Variants in ZNF717 observed in about 807,000 individuals in gnomAD.
The protein encoded by ZNF717 is zinc finger protein 717, also known as krueppel-like factor X17.
ZNF717 carries 9 observed loss-of-function variants against 13.8 expected under a neutral mutation model. The ratio of observed to expected loss-of-function variants is 0.65; its 90% CI spans 0.39 to 1.14. ZNF717 has a LOEUF of 1.14. Ranked by LOEUF, ZNF717 falls within the 50% of genes most tolerant of loss-of-function variation. The pLI, the probability that ZNF717 is intolerant of heterozygous loss-of-function variation, is 0.01. For missense variants in ZNF717, 1,040 were observed against 1,080.7 expected (o/e 0.96, Z 0.53); for synonymous variants, 327 against 364.1 (o/e 0.90, Z 1.16).
intron 2 of ZNF717, among the ~76,000 whole-genome samples, chr3:75,747,152 C>T (rs1260955758): frequency 6.6e-6 from 1 of 152,044 alleles, no homozygotes; most frequent in Non-Finnish European, 1.5e-5. Context: ...TCAGGTATGT[C>T]AAAGATCAGA....
At chr3:75,730,353 TAA>T (rs71638912) in exon 6 of ZNF717, 8,490 of 313,570 alleles carry the variant, frequency 0.027, 1 homozygote, top group East Asian at 0.06. Context: ...AAGCAATAGT[TAA>T]AAAAAAAAAA....
chr3:75,757,483 A>G (rs1403032827), intron 2 of ZNF717, among the ~76,000 whole-genome samples: 1 of 152,220 alleles, frequency 6.6e-6, no homozygotes, highest in African/African-American at 2.4e-5. Flanking sequence ...CACTGTTGAC[A>G]CCTACTGCTC....
intron 2 of ZNF717, among the ~76,000 whole-genome samples, chr3:75,772,281 T>TA (rs1283407032): frequency 1.3e-5 from 2 of 152,250 alleles, no homozygotes; most frequent in African/African-American, 4.8e-5. Flanking sequence ...CTTGCCCACG[T>TA]ACCTCATTCT....
At chr3:75,698,780 C>T (rs1575757565) in intron 6 of ZNF717, among the ~76,000 whole-genome samples, 2 of 152,312 alleles carry the variant, frequency 1.3e-5, no homozygotes, top group African/African-American at 4.8e-5. Flanking sequence ...CCTAGGCAGG[C>T]TCCCCACTGG....
At chr3:75,775,851 CA>C (rs56879372) in intron 2 of ZNF717, among the ~76,000 whole-genome samples, 3,602 of 79,642 alleles carry the variant, frequency 0.045, 95 homozygotes, top group African/African-American at 0.11. Flanking sequence ...GACTCTGTCT[CA>C]AAAAAAAAAA....
chr3:75,780,929 T>C (rs1048975090), intron 2 of ZNF717, among the ~76,000 whole-genome samples: 22 of 152,292 alleles, frequency 1.4e-4, no homozygotes, highest in African/African-American at 5.3e-4. Context: ...ACTCAAGTCC[T>C]TGGTCCACCT....
At chr3:75,741,879 T>C (rs1374057363) in intron 2 of ZNF717, 143 bp from the exon 3 acceptor site, 4 of 1,112,950 alleles carry the variant, frequency 3.6e-6, no homozygotes, top group Admixed American at 5.9e-5. Flanking sequence ...TAATGGCACA[T>C]TTTTCCTCAA....
intron 6 of ZNF717, among the ~76,000 whole-genome samples, chr3:75,697,218 T>G (rs574263689): frequency 6.6e-6 from 1 of 152,160 alleles, no homozygotes; most frequent in Non-Finnish European, 1.5e-5. Context: ...GGCATCCCAA[T>G]TGGAAAAGAA....
chr3:75,742,255 T>C (rs1190882020), intron 2 of ZNF717, among the ~76,000 whole-genome samples: 3 of 150,054 alleles, frequency 2.0e-5, no homozygotes, highest in Admixed American at 6.7e-5. Flanking sequence ...GTCCAGGAGT[T>C]TGACAGTGCA....
intron 4 of ZNF717, among the ~76,000 whole-genome samples, chr3:75,740,024 C>T (rs1940174206): frequency 1.3e-5 from 2 of 152,250 alleles, no homozygotes; most frequent in African/African-American, 4.8e-5. Context: ...GTCAAAAAAC[C>T]ACACTGGTGA....
At chr3:75,718,956 T>C (rs1215540642) in intron 4 of ZNF717, among the ~76,000 whole-genome samples, 1 of 152,108 alleles carries the variant, frequency 6.6e-6, no homozygotes, top group Non-Finnish European at 1.5e-5. Context: ...ATATTTATAG[T>C]CCTGTTTGAG....
intron 2 of ZNF717, among the ~76,000 whole-genome samples, chr3:75,747,771 G>A (rs1941316217): frequency 1.3e-5 from 2 of 152,076 alleles, no homozygotes; most frequent in Non-Finnish European, 2.9e-5. Flanking sequence ...CTGAGATGAT[G>A]GGGTTTTCTA....
chr3:75,751,166 A>G (rs1941753587), intron 2 of ZNF717, among the ~76,000 whole-genome samples: 2 of 151,818 alleles, frequency 1.3e-5, no homozygotes, highest in African/African-American at 4.8e-5. Context: ...TGGTGTCTGA[A>G]TGTTTATTTC....
intron 2 of ZNF717, among the ~76,000 whole-genome samples, chr3:75,760,852 C>A (rs1191930662): frequency 1.3e-5 from 2 of 150,288 alleles, no homozygotes; most frequent in Non-Finnish European, 3.0e-5. Flanking sequence ...GAAAAAAAAA[C>A]ACTGAGTTTG....
At chr3:75,742,833 C>A (rs370656677) in intron 2 of ZNF717, among the ~76,000 whole-genome samples, 270 of 152,348 alleles carry the variant, frequency 1.8e-3, no homozygotes, top group African/African-American at 5.9e-3. Flanking sequence ...TCAAAATCCA[C>A]AGATTGGATA....
chr3:75,737,957 T>C lies in ZNF717; in HGVS notation c.1666A>G (p.Thr556Ala), dbSNP rs1159033920. ...HKSYLTVHHR[T>A]HTGEKPYECN... is the part of the protein sequence containing the mutation. ...TCATAGGGTTTTTCCCCTGTGTGAG[T>C]TCTGTGATGTACTGTAAGGTATGAC... Residue 556 changes from threonine (T) to alanine (A), a missense_variant, in exon 5 of 5, where the codon ACT becomes GCT. Thr to Ala is a moderately conservative substitution (Grantham distance 58). Coordinates refer to ENST00000652011, the MANE Select transcript of ZNF717 (RefSeq NM_001290208.3). 21 of 1,555,102 alleles carry C rather than the reference T, an allele frequency of 1.4e-5. No homozygotes were observed. The East Asian group carries it at 5.1e-4, about 38-fold the overall frequency.
chr3:75,747,888 A>T (rs1941326834), intron 2 of ZNF717, among the ~76,000 whole-genome samples: 2 of 152,156 alleles, frequency 1.3e-5, no homozygotes, highest in Admixed American at 6.6e-5. Context: ...CCTTCAAAAA[A>T]TCAATGAATC....
intron 5 of ZNF717, chr3:75,730,719 C>G: frequency 1.5e-6 from 1 of 650,186 alleles, no homozygotes. Context: ...GGAACAAGTA[C>G]AGAATCCACA....
chr3:75,764,990 GAT>G (rs71101852), intron 2 of ZNF717, among the ~76,000 whole-genome samples: 6,782 of 100,288 alleles, frequency 0.068, 146 homozygotes, highest in East Asian at 0.15. Flanking sequence ...TAAACAAAAG[GAT>G]ATATATATAT....
Sources: gnomAD v4.1 joint callset for allele counts (sites outside exome capture counted in the v4.1 genomes callset) on GRCh38, gnomAD v4.1.1 for gene constraint, MANE v1.5 for transcripts, NCBI Gene and HGNC (gene_info 2026-07-23, HGNC 2026-07-21) for gene names.